The following CREBRF variants were observed in gnomAD, a reference collection of about 807,000 sequenced individuals.
CREBRF encodes UPF0474 protein C5orf41.
Under a neutral mutation model 66.1 loss-of-function variants are expected in CREBRF, and 5 were observed. The ratio of observed to expected loss-of-function variants is 0.08; its 90% CI spans 0.04 to 0.16. The LOEUF is 0.16. Among genes scored for constraint, CREBRF ranks in the 10% least tolerant of loss-of-function variants. CREBRF has a pLI of 1.00. For missense variants in CREBRF, 531 were observed against 744.9 expected, an observed-to-expected ratio of 0.71 and a Z score of 3.34; for synonymous variants, 229 against 264.4, an observed-to-expected ratio of 0.87 and a Z score of 1.30.
chr5:173,056,859 G>A (rs1056685272), intron 1 of CREBRF, among the ~76,000 whole-genome samples: 7 of 151,652 alleles, frequency 4.6e-5, no homozygotes, highest in African/African-American at 1.7e-4. Context: ...GCCGGCAGTC[G>A]GCCTGTCAGA....
rs969125995 is a variant in CREBRF at position 173,137,810 on chromosome 5, T to C, written c.*4065T>C. 3 of 152,108 alleles carry C rather than the reference T, an allele frequency of 2.0e-5. No homozygotes were observed. Among genetic ancestry groups the C allele is most frequent in the Admixed American group, 2.0e-4 (3 of 15,264 alleles). 9.4% of individuals were successfully genotyped at this position (152,108 alleles called of 1,614,324 possible). ...TTTATTCCACACATTTAAAAAAATT[T>C]AGCTGCTAAGATTTAATGTTATAAG... On this transcript the variant is annotated 3_prime_UTR_variant, in exon 9 of 9. Coordinates refer to ENST00000296953, the MANE Select transcript of CREBRF (RefSeq NM_153607.3).
chr5:173,114,643 A>G (rs1185807165), intron 7 of CREBRF, among the ~76,000 whole-genome samples: 1 of 152,196 alleles, frequency 6.6e-6, no homozygotes, highest in Non-Finnish European at 1.5e-5. Context: ...ATGAACTGGC[A>G]TTGTTCCAGG....
At chr5:173,097,175 TG>T (rs1302693989) in intron 4 of CREBRF, among the ~76,000 whole-genome samples, 1 of 152,218 alleles carries the variant, frequency 6.6e-6, no homozygotes, top group Non-Finnish European at 1.5e-5. Context: ...AGAGAAGGAT[TG>T]GTATTAATTC....
At chr5:173,074,710 C>A (rs1333646180) in intron 1 of CREBRF, among the ~76,000 whole-genome samples, 1 of 152,028 alleles carries the variant, frequency 6.6e-6, no homozygotes, top group Non-Finnish European at 1.5e-5. Context: ...GCAACCTCCA[C>A]CTCTGGGGTT....
chr5:173,139,070 G>A lies in CREBRF; in HGVS notation c.*5325G>A, dbSNP rs1759653098. On this transcript the variant is annotated 3_prime_UTR_variant, in exon 9 of 9. Transcript: ENST00000296953. ...TTCAGTCTTGTCTCTTGTCTAGAAA[G>A]AACTTTATCTTGTTGACGCATGAGC... 6.6e-6 allele frequency: 1 copy of A among 151,802 alleles called. No homozygotes were observed. The highest frequency in any genetic ancestry group is 6.6e-5 in the Admixed American group (1 of 15,216). The allele number at this position is 151,802 out of a possible 1,614,324, so 9.4% of individuals were successfully genotyped here. A position where few individuals can be genotyped will look rare whatever the true frequency, so the allele number is the denominator to read the frequency against.
chr5:173,093,982 CT>C (rs1758414577), intron 4 of CREBRF, among the ~76,000 whole-genome samples: 1 of 152,160 alleles, frequency 6.6e-6, no homozygotes, highest in African/African-American at 2.4e-5. Flanking sequence ...CTGAGTTTGA[CT>C]TTTTTTCTAA....
At chr5:173,125,689 C>T (rs1759254406) in intron 8 of CREBRF, among the ~76,000 whole-genome samples, 1 of 145,140 alleles carries the variant, frequency 6.9e-6, no homozygotes, top group African/African-American at 2.5e-5. Context: ...ATGGTGAAAC[C>T]CCGTCTCTAC....
intron 1 of CREBRF, among the ~76,000 whole-genome samples, chr5:173,061,327 T>G (rs1380969149): frequency 6.6e-6 from 1 of 152,238 alleles, no homozygotes; most frequent in African/African-American, 2.4e-5. Flanking sequence ...ATAGACACTT[T>G]AGGTACATTT....
chr5:173,107,816 AATTTTTTT>A (rs1360401165), intron 4 of CREBRF, among the ~76,000 whole-genome samples: 1 of 145,192 alleles, frequency 6.9e-6, no homozygotes, highest in African/African-American at 2.7e-5. Flanking sequence ...GTCTCTACAA[AATTTTTTT>A]TTTTTTTTTT....
chr5:173,110,237 A>G, intron 5 of CREBRF: 1 of 447,302 alleles, frequency 2.2e-6, no homozygotes, highest in Non-Finnish European at 4.2e-6. Flanking sequence ...CCATGCAAAT[A>G]ATGAAGAATC....
intron 4 of CREBRF, among the ~76,000 whole-genome samples, chr5:173,100,681 C>T (rs1057054182): frequency 1.3e-5 from 2 of 152,164 alleles, no homozygotes; most frequent in Admixed American, 1.3e-4. Flanking sequence ...ACCTCAGCCT[C>T]GAAAAGTGCT....
At chr5:173,073,693 C>T (rs1369333699) in intron 1 of CREBRF, among the ~76,000 whole-genome samples, 3 of 152,166 alleles carry the variant, frequency 2.0e-5, no homozygotes, top group Non-Finnish European at 2.9e-5. Flanking sequence ...TAGGGCCGGG[C>T]GCAGTGGCTT....
intron 4 of CREBRF, among the ~76,000 whole-genome samples, chr5:173,094,495 A>G (rs1211946567): frequency 6.6e-6 from 1 of 152,118 alleles, no homozygotes; most frequent in African/African-American, 2.4e-5. Flanking sequence ...GTATGAGGTG[A>G]TATCTCATTG....
rs776563995 is a variant in CREBRF, at chr5:173,138,542, T to C, written c.*4797T>C. The C allele has an allele frequency of 1.3e-5, 2 of 152,138 alleles. No individual in the cohort carries two copies. Among genetic ancestry groups the C allele is most frequent in the African/African-American group, 2.4e-5 (1 of 41,422 alleles). The allele number at this position is 152,138 out of a possible 1,614,324, so 9.4% of individuals were successfully genotyped here. ...CAAACAGTATTTTGGAATTGAAGAC[T>C]TGGTAACTAGTGAAGAACATCAAAG... On this transcript the variant is annotated 3_prime_UTR_variant, in exon 9 of 9. Coordinates refer to ENST00000296953, the MANE Select transcript of CREBRF (RefSeq NM_153607.3).
intron 8 of CREBRF, among the ~76,000 whole-genome samples, chr5:173,132,391 A>G (rs1759451809): frequency 8.3e-6 from 1 of 120,642 alleles, no homozygotes; most frequent in Non-Finnish European, 1.7e-5. Flanking sequence ...CCAGCCGACA[A>G]ATTCTTTTTC....
chr5:173,125,896 C>T (rs899692050), intron 8 of CREBRF, among the ~76,000 whole-genome samples: 26 of 151,890 alleles, frequency 1.7e-4, no homozygotes, highest in Non-Finnish European at 2.5e-4. Flanking sequence ...AAACATGGCA[C>T]GCCAGGTTTG....
chr5:173,123,778 G>A (rs1389443783), intron 8 of CREBRF: 5 of 152,160 alleles, frequency 3.3e-5, no homozygotes, highest in Admixed American at 6.5e-5. Flanking sequence ...TATGACCCAC[G>A]AAAACCCCCA....
chr5:173,105,180 G>A (rs1758718870), intron 4 of CREBRF, among the ~76,000 whole-genome samples: 1 of 151,992 alleles, frequency 6.6e-6, no homozygotes, highest in Non-Finnish European at 1.5e-5. Context: ...CTATCTAAGG[G>A]AGTATATCAA....
chr5:173,077,013 G>A (rs1038906592), intron 1 of CREBRF, among the ~76,000 whole-genome samples: 2 of 150,394 alleles, frequency 1.3e-5, no homozygotes, highest in African/African-American at 2.5e-5. Flanking sequence ...GCACAATCTC[G>A]GCTCACTATA....
Sources: gnomAD v4.1 joint callset for allele counts (sites outside exome capture counted in the v4.1 genomes callset) on GRCh38, gnomAD v4.1.1 for gene constraint, MANE v1.5 for transcripts, NCBI Gene and HGNC (gene_info 2026-07-23, HGNC 2026-07-21) for gene names.